NBEA: variants seen among roughly 807,000 people sequenced by gnomAD.
NBEA encodes lysosomal-trafficking regulator 2.
NBEA carries 44 observed loss-of-function variants against 343.4 expected under a neutral mutation model. The observed-to-expected ratio is 0.13, with a 90% CI of 0.10 to 0.16. The LOEUF (loss-of-function observed/expected upper bound fraction) is 0.16, where lower values mean the gene tolerates loss of function less well. NBEA is among the 10% of genes least tolerant of loss of function. The pLI, the probability that NBEA is intolerant of heterozygous loss-of-function variation, is 1.00. For missense variants in NBEA, 2,555 were observed against 3,631.3 expected (o/e 0.70, Z 7.62); for synonymous variants, 1,175 against 1,238.7 (o/e 0.95, Z 1.08).
chr13:35,586,158 C>T (rs903272536), intron 46 of NBEA, among the ~76,000 whole-genome samples: 2 of 152,196 alleles, frequency 1.3e-5, no homozygotes, highest in African/African-American at 4.8e-5. Flanking sequence ...GTATATGAAA[C>T]TGCATCTCCT....
chr13:35,642,289 T>TG lies in NBEA; in HGVS notation c.7618-3580_7618-3579insG, dbSNP rs1298419562. On this transcript the variant is annotated intron_variant, in intron 49 of 58. Transcript: ENST00000379939. ...AATACTCCAAAATCATAATGTGTCT[T>TG]ACAATCAATCAATCATAGCATATTT... Among the ~76,000 whole-genome samples the TG allele has an allele frequency of 5.3e-5, 8 of 152,196 alleles. No homozygotes were observed. In the South Asian group the frequency reaches 6.2e-4, roughly 12 times the overall value.
chr13:35,210,703 A>G (rs555897214), intron 32 of NBEA, among the ~76,000 whole-genome samples: 5 of 152,274 alleles, frequency 3.3e-5, no homozygotes, highest in African/African-American at 1.2e-4. Context: ...AACCAAAAAT[A>G]TTACAATGTA....
intron 1 of NBEA, among the ~76,000 whole-genome samples, chr13:34,994,344 T>C (rs1021042525): frequency 2.0e-5 from 3 of 152,190 alleles, no homozygotes; most frequent in Admixed American, 6.5e-5. Flanking sequence ...TAATCAGTTG[T>C]TTTAATAAAT....
At chr13:35,575,509 G>C (rs1036220699) in intron 45 of NBEA, among the ~76,000 whole-genome samples, 1 of 152,020 alleles carries the variant, frequency 6.6e-6, no homozygotes, top group African/African-American at 2.4e-5. Context: ...CAAAGAAAAA[G>C]TACCAATTCC....
intron 31 of NBEA, among the ~76,000 whole-genome samples, chr13:35,198,043 AAAT>A (rs2072749692): frequency 6.6e-6 from 1 of 152,170 alleles, no homozygotes; most frequent in African/African-American, 2.4e-5. Flanking sequence ...AAAAAGTAAA[AAAT>A]GGTAGGACTA....
intron 34 of NBEA, among the ~76,000 whole-genome samples, chr13:35,257,666 GTATAT>G (rs150620264): frequency 0.058 from 8,801 of 152,160 alleles, 520 homozygotes; most frequent in East Asian, 0.15. Context: ...GGAAAAAGTT[GTATAT>G]AAGTGGTAAA....
chr13:35,162,622 T>C (rs1238858978), intron 23 of NBEA, among the ~76,000 whole-genome samples: 1 of 152,056 alleles, frequency 6.6e-6, no homozygotes, highest in African/African-American at 2.4e-5. Context: ...TTTTCTTCTT[T>C]TTTTTAAAGG....
rs1182569623 is a variant in NBEA at position 34,992,259 on chromosome 13, TA to T, written c.295-48673del. On this transcript the variant is annotated intron_variant, in intron 1 of 58. Coordinates refer to ENST00000379939, the MANE Select transcript of NBEA (RefSeq NM_001385012.1). ...GTGTGTATATATATATATATATATA[TA>T]TATTTTTTTTTTTAGACAGAGTCTA... Among the ~76,000 whole-genome samples the T allele has an allele frequency of 5.1e-3, 694 of 136,046 alleles. 1 individual carries two copies. Among genetic ancestry groups the T allele is most frequent in the African/African-American group, 0.01 (362 of 34,702 alleles). The allele number at this position is 136,046 out of a possible 152,430, so 89.3% of individuals were successfully genotyped here.
At chr13:35,134,125 A>G (rs767131767) in intron 17 of NBEA, among the ~76,000 whole-genome samples, 6 of 152,022 alleles carry the variant, frequency 3.9e-5, no homozygotes, top group Non-Finnish European at 8.8e-5. Context: ...AAGTTCATAA[A>G]CCTGAAAACA....
intron 34 of NBEA, among the ~76,000 whole-genome samples, chr13:35,252,566 G>T (rs1266845184): frequency 1.3e-5 from 2 of 152,166 alleles, no homozygotes; most frequent in African/African-American, 4.8e-5. Flanking sequence ...ACAGTTGTCA[G>T]CCTGAGTAAT....
rs568463983 is a variant in NBEA, at chr13:35,416,630, T to C, written c.6180-15639T>C. 3.9e-5 allele frequency among the ~76,000 whole-genome samples: 6 copies of C among 152,256 alleles called. No individual in the cohort carries two copies. In the South Asian group the frequency reaches 6.2e-4, roughly 16 times the overall value. ...AAGCTTTTTGATGTGCTGCTGGATT[T>C]GGCTTGCCAGTATTTTATTGAGGAT... On this transcript the variant is annotated intron_variant, in intron 38 of 58. Coordinates refer to ENST00000379939, the MANE Select transcript of NBEA (RefSeq NM_001385012.1).
intron 26 of NBEA, among the ~76,000 whole-genome samples, chr13:35,171,692 G>T (rs966196512): frequency 6.6e-6 from 1 of 151,976 alleles, no homozygotes; most frequent in Admixed American, 6.6e-5. Context: ...TTGAAATCAA[G>T]AGTGAAATAT....
intron 41 of NBEA, among the ~76,000 whole-genome samples, chr13:35,529,465 A>G (rs1224150609): frequency 6.6e-6 from 1 of 152,208 alleles, no homozygotes; most frequent in Non-Finnish European, 1.5e-5. Context: ...TAGTTACCCT[A>G]TGGAAAATGT....
intron 7 of NBEA, among the ~76,000 whole-genome samples, chr13:35,056,528 C>T (rs1289334587): frequency 6.6e-6 from 1 of 151,906 alleles, no homozygotes; most frequent in African/African-American, 2.4e-5. Flanking sequence ...ATTGGGGATA[C>T]AGGAAGTAGG....
chr13:35,132,767 G>C (rs1293649947), intron 17 of NBEA, among the ~76,000 whole-genome samples: 1 of 152,162 alleles, frequency 6.6e-6, no homozygotes, highest in Non-Finnish European at 1.5e-5. Flanking sequence ...GGGAACTGTT[G>C]AGGATGATAA....
intron 38 of NBEA, among the ~76,000 whole-genome samples, chr13:35,400,388 A>T (rs1467781702): frequency 6.6e-6 from 1 of 151,986 alleles, no homozygotes; most frequent in East Asian, 1.9e-4. Flanking sequence ...TATATGTTTA[A>T]GGGATATAAT....
intron 1 of NBEA, among the ~76,000 whole-genome samples, chr13:34,953,402 T>C (rs1223101653): frequency 6.6e-6 from 1 of 152,186 alleles, no homozygotes; most frequent in Non-Finnish European, 1.5e-5. Context: ...TTCCTTTTAT[T>C]ATAATATATT....
At chr13:34,967,318 T>C (rs1031132978) in intron 1 of NBEA, among the ~76,000 whole-genome samples, 1 of 151,802 alleles carries the variant, frequency 6.6e-6, no homozygotes, top group South Asian at 2.1e-4. Flanking sequence ...TTAATAATTA[T>C]GTTTTTTAAG....
At chr13:35,587,941 G>T (rs1406456572) in intron 46 of NBEA, among the ~76,000 whole-genome samples, 1 of 146,800 alleles carries the variant, frequency 6.8e-6, no homozygotes, top group African/African-American at 2.4e-5. Flanking sequence ...ATTTCTAGTA[G>T]CCACATTTAT....
Sources: allele counts gnomAD v4.1 joint callset (sites outside exome capture counted in the v4.1 genomes callset), GRCh38; gene constraint gnomAD v4.1.1; transcripts MANE v1.5; gene names NCBI Gene and HGNC (gene_info 2026-07-23, HGNC 2026-07-21).